Variants in DIP2C observed in about 807,000 individuals in gnomAD.
DIP2C encodes the protein DIP2 acetate--CoA ligase C (putative).
Under a neutral mutation model 192.4 loss-of-function variants are expected in DIP2C, and 33 were observed. The ratio of observed to expected loss-of-function variants is 0.17; its 90% CI spans 0.13 to 0.23. The LOEUF (loss-of-function observed/expected upper bound fraction) is 0.23. Ranked by LOEUF, DIP2C falls within the 10% of genes least tolerant of loss-of-function variation. The pLI is 1.00. For synonymous variants in DIP2C, 979 were observed against 864.1 expected, an observed-to-expected ratio of 1.13 and a Z score of -2.33; for missense variants, 1,537 against 2,110.1, an observed-to-expected ratio of 0.73 and a Z score of 5.32.
intron 17 of DIP2C, among the ~76,000 whole-genome samples, chr10:373,981 T>C (rs559946966): frequency 6.6e-6 from 1 of 152,290 alleles, no homozygotes; most frequent in South Asian, 2.1e-4. Context: ...AAACTGTCTT[T>C]TCTCATTCCT....
chr10:547,709 C>T (rs141035156), intron 1 of DIP2C, among the ~76,000 whole-genome samples: 19 of 152,302 alleles, frequency 1.2e-4, no homozygotes, highest in African/African-American at 4.1e-4. Context: ...ATGATGACCA[C>T]GTGCTTTTCC....
chr10:689,119 C>T lies in DIP2C; in HGVS notation c.85+375G>A, dbSNP rs2119124411. 6.6e-6 allele frequency among the ~76,000 whole-genome samples: 1 copy of T among 152,250 alleles called. No homozygotes were observed. The highest frequency in any genetic ancestry group is 2.4e-5 in the African/African-American group (1 of 41,568). The stretch of plus-strand genomic sequence containing the variant: ...CCGGGCCCGCTGCATCCTGCGTCCC[C>T]GCGCGGCGCCCAGGCCCCACAGACA... On this transcript the variant is annotated intron_variant, in intron 1 of 36. Coordinates refer to ENST00000280886, the MANE Select transcript of DIP2C (RefSeq NM_014974.3). The surrounding 1 kb of genome is among the most constrained non-coding windows in gnomAD (Gnocchi z 6.1).
chr10:616,621 T>C (rs1180014439), intron 1 of DIP2C, among the ~76,000 whole-genome samples: 2 of 152,140 alleles, frequency 1.3e-5, no homozygotes, highest in Non-Finnish European at 2.9e-5. Flanking sequence ...CCCAGAGGTC[T>C]GCCAGGTTTA....
chr10:675,314 C>G (rs1232221012), intron 1 of DIP2C, among the ~76,000 whole-genome samples: 1 of 151,558 alleles, frequency 6.6e-6, no homozygotes, highest in Non-Finnish European at 1.5e-5. Context: ...AAGTTTATAG[C>G]AATAAACTCC....
At chr10:333,245 T>C (rs766875259) in intron 29 of DIP2C, among the ~76,000 whole-genome samples, 21 of 152,208 alleles carry the variant, frequency 1.4e-4, no homozygotes, top group Non-Finnish European at 2.9e-4. Flanking sequence ...AGGTATACTT[T>C]GCATACCCTA....
chr10:387,559 G>A (rs1963066803), intron 14 of DIP2C, among the ~76,000 whole-genome samples, 186 bp downstream of exon 14: 1 of 146,950 alleles, frequency 6.8e-6, no homozygotes, highest in East Asian at 2.0e-4. Flanking sequence ...GACAGGCAGG[G>A]CGGGGTGGGG....
chr10:415,899 G>A lies in DIP2C; in HGVS notation c.740-11C>T, dbSNP rs1268967846. ...TACTTACTGGTACTCCTGAAAAACA[G>A]GAATCAGCGGGTGGGGAAAGCGATC... On this transcript the variant is annotated splice_polypyrimidine_tract_variant and intron_variant, in intron 6 of 36. Coordinates refer to ENST00000280886, the MANE Select transcript of DIP2C (RefSeq NM_014974.3). 3 of 1,613,480 alleles carry A rather than the reference G, an allele frequency of 1.9e-6. No homozygotes were observed. Among genetic ancestry groups the A allele is most frequent in the Admixed American group, 3.3e-5 (2 of 59,930 alleles).
At position 347,817 on chromosome 10, in the gene DIP2C, A is replaced by G. The variant is rs12781767; in HGVS notation, c.3231+824T>C. 5.8e-4 allele frequency among the ~76,000 whole-genome samples: 73 copies of G among 126,130 alleles called. 2 individuals carry two copies. The highest frequency in any genetic ancestry group is 8.2e-4 in the South Asian group (3 of 3,638). The allele number at this position is 126,130 out of a possible 152,430, so 82.7% of individuals were successfully genotyped here. A position where few individuals can be genotyped will look rare whatever the true frequency, so the allele number is the denominator to read the frequency against. Reference sequence around the variant, plus strand: ...GGAAACCCCACACTCACCCAGACACATCGCGCATAGCTCTCCTGGAAACCC... The same window carrying G: ...GGAAACCCCACACTCACCCAGACACGTCGCGCATAGCTCTCCTGGAAACCC... On this transcript the variant is annotated intron_variant, in intron 26 of 36. Coordinates refer to ENST00000280886, the MANE Select transcript of DIP2C (RefSeq NM_014974.3).
At chr10:399,803 A>G (rs190974599) in intron 9 of DIP2C, among the ~76,000 whole-genome samples, 66 of 152,358 alleles carry the variant, frequency 4.3e-4, no homozygotes, top group Admixed American at 7.2e-4. Context: ...GACTATGAGT[A>G]AAGCCCAAGT....
At chr10:278,653 A>C (rs1328007701) in intron 36 of DIP2C, among the ~76,000 whole-genome samples, 1 of 152,220 alleles carries the variant, frequency 6.6e-6, no homozygotes, top group Non-Finnish European at 1.5e-5. Context: ...TGCAGGGAAA[A>C]GTCTTCTGGA....
At chr10:529,907 G>C (rs1847268999) in intron 1 of DIP2C, among the ~76,000 whole-genome samples, 1 of 152,248 alleles carries the variant, frequency 6.6e-6, no homozygotes, top group Non-Finnish European at 1.5e-5. Context: ...GCCTCCCAAA[G>C]AAGCTGGGAC....
chr10:549,625 C>A (rs995480925), intron 1 of DIP2C, among the ~76,000 whole-genome samples: 1 of 151,966 alleles, frequency 6.6e-6, no homozygotes, highest in Non-Finnish European at 1.5e-5. Flanking sequence ...GGGAGGGGTG[C>A]CCCCGACCAG....
intron 1 of DIP2C, among the ~76,000 whole-genome samples, chr10:606,280 G>A (rs1311695665): frequency 1.3e-5 from 2 of 152,082 alleles, no homozygotes; most frequent in East Asian, 1.9e-4. Context: ...CGCTCTGTCC[G>A]AGGGGGAAGA....
chr10:379,055 T>C (rs1962037373), intron 17 of DIP2C, among the ~76,000 whole-genome samples: 2 of 152,170 alleles, frequency 1.3e-5, no homozygotes, highest in South Asian at 4.1e-4. Context: ...GGAGAACCAA[T>C]GGCATAAGCT....
chr10:615,929 G>A (rs546363002), intron 1 of DIP2C, among the ~76,000 whole-genome samples: 1 of 152,270 alleles, frequency 6.6e-6, no homozygotes, highest in African/African-American at 2.4e-5. Flanking sequence ...CTGTAGGGAG[G>A]CTCCACAGAT....
At position 383,947 on chromosome 10, in the gene DIP2C, A is replaced by AGCCT. The variant is rs1347312460; in HGVS notation, c.1876+76_1876+79dup. On this transcript the variant is annotated intron_variant, in intron 16 of 36. Coordinates refer to ENST00000280886, the MANE Select transcript of DIP2C (RefSeq NM_014974.3). Reference sequence around the variant, plus strand: ...GGGGAAAAAATAAAAAAGACTTCACAGCCTGCCTGCCTCACGAAAAAAAAA... The same window carrying AGCCT: ...GGGGAAAAAATAAAAAAGACTTCACAGCCTGCCTGCCTGCCTCACGAAAAAAAAA... 12 of 1,403,388 alleles carry AGCCT rather than the reference A, an allele frequency of 8.6e-6. No homozygotes were observed. In the East Asian group the frequency reaches 1.2e-4, roughly 14 times the overall value. 86.9% of individuals were successfully genotyped at this position (1,403,388 alleles called of 1,614,324 possible).
intron 1 of DIP2C, among the ~76,000 whole-genome samples, chr10:493,647 G>C (rs902969426): frequency 1.3e-5 from 2 of 152,230 alleles, no homozygotes; most frequent in Non-Finnish European, 2.9e-5. Context: ...CCGACAGACA[G>C]AGGGAGAGAC....
At chr10:629,634 G>C (rs1854399012) in intron 1 of DIP2C, among the ~76,000 whole-genome samples, 1 of 152,136 alleles carries the variant, frequency 6.6e-6, no homozygotes, top group South Asian at 2.1e-4. Context: ...TCAGGGTGGA[G>C]ACCGCAGCTT....
intron 1 of DIP2C, among the ~76,000 whole-genome samples, chr10:494,431 A>T (rs1327916913): frequency 6.6e-6 from 1 of 151,812 alleles, no homozygotes; most frequent in Non-Finnish European, 1.5e-5. Context: ...AGAAGCACAC[A>T]CTCCCTCACC....
Sources: allele counts gnomAD v4.1 joint callset (sites outside exome capture counted in the v4.1 genomes callset), GRCh38; gene constraint gnomAD v4.1.1; non-coding constraint Gnocchi (gnomAD v3.1); transcripts MANE v1.5; gene names NCBI Gene and HGNC (gene_info 2026-07-23, HGNC 2026-07-21).